IQGAP1: variants seen among roughly 807,000 people sequenced by gnomAD.
The protein encoded by IQGAP1 is IQ motif containing GTPase activating protein 1, also known as ras GTPase-activating-like protein IQGAP1.
In IQGAP1, 66 loss-of-function variants were observed where a neutral mutation model predicts 215.6. That is an observed-to-expected ratio of 0.31 (90% CI 0.25 to 0.38). The LOEUF (loss-of-function observed/expected upper bound fraction) is 0.38. Among genes scored for constraint, IQGAP1 ranks in the 10% least tolerant of loss-of-function variants. The probability of loss-of-function intolerance (pLI) is 1.00; values close to 1 mark genes in which losing one functional copy is unlikely to be tolerated. For synonymous variants in IQGAP1, 772 were observed against 728.7 expected, an observed-to-expected ratio of 1.06 and a Z score of -0.96; for missense variants, 1,712 against 1,997.1, an observed-to-expected ratio of 0.86 and a Z score of 2.72.
rs548185365 is a variant in IQGAP1, at chr15:90,423,610, T to C, written c.156-2500T>C. On this transcript the variant is annotated intron_variant, in intron 2 of 37. Coordinates refer to ENST00000268182, the MANE Select transcript of IQGAP1 (RefSeq NM_003870.4). ...CTCAGATTGGTGGGCAAGCCACATA[T>C]GTGGTGAGGTGACTTGGAAGGCAGC... Among the ~76,000 whole-genome samples the C allele has an allele frequency of 2.6e-5, 4 of 152,320 alleles. No homozygotes were observed. In the East Asian group the frequency reaches 5.8e-4, roughly 22 times the overall value.
chr15:90,390,808 G>A lies in IQGAP1; in HGVS notation c.90G>A (p.Glu30=), dbSNP rs1410185283. ...ATAATGAAAGACTTACTGCAGAGGA[G>A]ATGGATGAAAGGAGACGTCAGAACG... The part of the protein sequence containing the change: ...VLDNERLTAE[E]MDERRRQNVA... Residue 30 remains glutamate (E), a synonymous_variant, in exon 2 of 38, where the codon GAG becomes GAA. Coordinates refer to ENST00000268182, the MANE Select transcript of IQGAP1 (RefSeq NM_003870.4). 6.2e-7 allele frequency: 1 copy of A among 1,613,138 alleles called. No homozygotes were observed. The highest frequency in any genetic ancestry group is 8.5e-7 in the Non-Finnish European group (1 of 1,179,062).
chr15:90,422,605 C>T (rs1965154534), intron 2 of IQGAP1, among the ~76,000 whole-genome samples: 1 of 128,372 alleles, frequency 7.8e-6, no homozygotes, highest in African/African-American at 2.9e-5. Flanking sequence ...ATAATTGTCT[C>T]ATTCATATAT....
chr15:90,486,799 A>G, intron 31 of IQGAP1, 155 bp from the exon 32 acceptor site: 1 of 720,042 alleles, frequency 1.4e-6, no homozygotes, highest in Non-Finnish European at 2.3e-6. Context: ...TTGGCATAAC[A>G]TTTTATTTCT....
chr15:90,446,880 T>C (rs994229080), intron 9 of IQGAP1, among the ~76,000 whole-genome samples: 1 of 152,368 alleles, frequency 6.6e-6, no homozygotes, highest in Non-Finnish European at 1.5e-5. Flanking sequence ...TTCCACACTT[T>C]ATTATGTTTG....
At chr15:90,404,146 T>TGCTAA (rs1964843277) in intron 2 of IQGAP1, among the ~76,000 whole-genome samples, 1 of 152,258 alleles carries the variant, frequency 6.6e-6, no homozygotes, top group Non-Finnish European at 1.5e-5. Context: ...GTATGAGTAT[T>TGCTAA]CTTGCAGGAT....
chr15:90,431,617 A>G (rs1392750989), intron 4 of IQGAP1, among the ~76,000 whole-genome samples: 2 of 152,208 alleles, frequency 1.3e-5, no homozygotes, highest in African/African-American at 4.8e-5. Context: ...TGCAACAAAC[A>G]CAGAATGTAT....
chr15:90,451,673 T>C (rs903721814), intron 11 of IQGAP1, among the ~76,000 whole-genome samples: 1 of 151,982 alleles, frequency 6.6e-6, no homozygotes, highest in Non-Finnish European at 1.5e-5. Flanking sequence ...CAGATTTCAA[T>C]GTGAGATTTG....
chr15:90,418,671 A>G (rs1181829655), intron 2 of IQGAP1, among the ~76,000 whole-genome samples: 2 of 152,214 alleles, frequency 1.3e-5, no homozygotes, highest in Non-Finnish European at 2.9e-5. Flanking sequence ...AGCTTCACCA[A>G]TGTGTAATAC....
Position 90,491,515 on chromosome 15 carries a change from A to G in IQGAP1, c.4431A>G (p.Lys1477=), listed in dbSNP as rs780533039. ...TELGTVDPKN[K]YQELINDIAR... is the part of the protein sequence containing the mutation. ...TTGGAACCGTGGACCCAAAGAACAAATACCAGGAACTGATCAACGACATTG... is the reference window on the plus strand; with the variant it reads ...TTGGAACCGTGGACCCAAAGAACAAGTACCAGGAACTGATCAACGACATTG... The change falls in exon 34 of 38, where the codon AAA becomes AAG. Residue 1477 remains lysine, a synonymous_variant. Coordinates refer to ENST00000268182, the MANE Select transcript of IQGAP1 (RefSeq NM_003870.4). 1.9e-6 allele frequency: 3 copies of G among 1,614,148 alleles called. No individual in the cohort carries two copies. Among genetic ancestry groups the G allele is most frequent in the Non-Finnish European group, 2.5e-6 (3 of 1,179,996 alleles).
intron 17 of IQGAP1, 61 bp downstream of exon 17, chr15:90,466,497 G>C: frequency 1.4e-4 from 201 of 1,444,594 alleles, no homozygotes; most frequent in Non-Finnish European, 1.8e-4. Flanking sequence ...TGAGGGGACA[G>C]ATGTAGAGGA....
chr15:90,414,121 C>T (rs1453847228), intron 2 of IQGAP1, among the ~76,000 whole-genome samples: 5 of 152,110 alleles, frequency 3.3e-5, no homozygotes, highest in East Asian at 1.9e-4. Context: ...ACTCCTTCTC[C>T]GTTCCCCCTA....
In IQGAP1 at chr15:90,440,349, A is replaced by G. The variant is rs188947179; in HGVS notation, c.536-153A>G. On this transcript the variant is annotated intron_variant, in intron 6 of 37. Coordinates refer to ENST00000268182, the MANE Select transcript of IQGAP1 (RefSeq NM_003870.4). ...ATTTTATATACTAGTTACTGTGTTA[A>G]GTGCTTTCCATACATTGTATCTTTA... Among the ~76,000 whole-genome samples the G allele has an allele frequency of 3.9e-5, 6 of 152,360 alleles. No homozygotes were observed. In the East Asian group the frequency reaches 1.2e-3, roughly 29 times the overall value.
intron 9 of IQGAP1, among the ~76,000 whole-genome samples, chr15:90,445,542 C>G (rs191348309): frequency 1.3e-5 from 2 of 152,134 alleles, no homozygotes; most frequent in East Asian, 3.8e-4. Flanking sequence ...TTATTTCTGA[C>G]ATCTTTGTAA....
chr15:90,490,626 T>G (rs1481166425), intron 33 of IQGAP1, among the ~76,000 whole-genome samples: 1 of 152,192 alleles, frequency 6.6e-6, no homozygotes, highest in Non-Finnish European at 1.5e-5. Context: ...CTGGTCTTGT[T>G]GTATTAGTAT....
At chr15:90,434,469 A>G (rs377071212) in intron 5 of IQGAP1, among the ~76,000 whole-genome samples, 1 of 151,990 alleles carries the variant, frequency 6.6e-6, no homozygotes, top group Non-Finnish European at 1.5e-5. Flanking sequence ...TAATAATAAT[A>G]ATAATTTTTG....
At chr15:90,435,233 T>G (rs1965355005) in intron 5 of IQGAP1, among the ~76,000 whole-genome samples, 1 of 152,128 alleles carries the variant, frequency 6.6e-6, no homozygotes, top group African/African-American at 2.4e-5. Context: ...TCCCAGTGCT[T>G]TGGGAGACCA....
intron 15 of IQGAP1, 60 bp from the exon 16 acceptor site, chr15:90,465,941 A>G (rs2151028926): frequency 1.5e-6 from 2 of 1,298,214 alleles, no homozygotes; most frequent in Non-Finnish European, 1.1e-6. Context: ...CCTTCTTCAC[A>G]TGTATGTTAC....
chr15:90,433,101 G>A (rs997514884), intron 4 of IQGAP1, among the ~76,000 whole-genome samples: 4 of 152,178 alleles, frequency 2.6e-5, no homozygotes, highest in Admixed American at 2.6e-4. Flanking sequence ...ACAAATGATC[G>A]ATTTTGGTAA....
chr15:90,482,674 C>A, intron 28 of IQGAP1: 2 of 871,720 alleles, frequency 2.3e-6, no homozygotes, highest in Non-Finnish European at 2.8e-6. Context: ...TTTTTTTAAT[C>A]TGAATGCTTT....
Sources: gnomAD v4.1 joint callset for allele counts (sites outside exome capture counted in the v4.1 genomes callset) on GRCh38, gnomAD v4.1.1 for gene constraint, MANE v1.5 for transcripts, NCBI Gene and HGNC (gene_info 2026-07-23, HGNC 2026-07-21) for gene names.